ADAM22: variants seen among roughly 807,000 people sequenced by gnomAD.
ADAM22 encodes the protein ADAM metallopeptidase domain 22.
In ADAM22, 65 loss-of-function variants were observed where a neutral mutation model predicts 144.6. The ratio of observed to expected loss-of-function variants is 0.45; its 90% CI spans 0.37 to 0.55. The LOEUF is 0.55. ADAM22 is among the 20% of genes least tolerant of loss of function. The probability of loss-of-function intolerance (pLI) is 0.00; values close to 1 mark genes in which losing one functional copy is unlikely to be tolerated. For synonymous variants in ADAM22, 391 were observed against 412.6 expected, an observed-to-expected ratio of 0.95 and a Z score of 0.63; for missense variants, 974 against 1,184.9, an observed-to-expected ratio of 0.82 and a Z score of 2.61.
At chr7:88,049,153 T>A (rs1805495233) in intron 3 of ADAM22, among the ~76,000 whole-genome samples, 1 of 152,208 alleles carries the variant, frequency 6.6e-6, no homozygotes, top group Admixed American at 6.5e-5. Flanking sequence ...AGAAGAGGCC[T>A]CCACCTGAGG....
chr7:88,007,508 T>G (rs939190164), intron 3 of ADAM22, among the ~76,000 whole-genome samples: 15 of 152,016 alleles, frequency 9.9e-5, no homozygotes, highest in African/African-American at 1.9e-4. Flanking sequence ...ATACTACAAG[T>G]CTACAGTAAC....
chr7:88,145,618 A>G (rs1457568346), intron 17 of ADAM22, 111 bp downstream of exon 17: 2 of 814,494 alleles, frequency 2.5e-6, no homozygotes, highest in Non-Finnish European at 3.8e-6. Context: ...CATATATTAA[A>G]TGAGTAAGTG....
intron 20 of ADAM22, among the ~76,000 whole-genome samples, chr7:88,151,735 C>A (rs1009122499): frequency 6.6e-6 from 1 of 152,154 alleles, no homozygotes; most frequent in Admixed American, 6.5e-5. Context: ...AGCATTTTAT[C>A]TAGAGTCATT....
intron 3 of ADAM22, among the ~76,000 whole-genome samples, chr7:88,034,138 G>T (rs1018364290): frequency 1.3e-5 from 2 of 152,132 alleles, no homozygotes; most frequent in African/African-American, 4.8e-5. Context: ...GGCCACCATA[G>T]CTGGGAATGT....
At chr7:88,052,661 A>C (rs1457886130) in intron 3 of ADAM22, among the ~76,000 whole-genome samples, 1 of 152,202 alleles carries the variant, frequency 6.6e-6, no homozygotes, top group Admixed American at 6.5e-5. Context: ...TTGAAGCTGC[A>C]CGTGATAGTT....
At chr7:87,994,057 T>C (rs1310081514) in intron 3 of ADAM22, among the ~76,000 whole-genome samples, 1 of 152,214 alleles carries the variant, frequency 6.6e-6, no homozygotes, top group Non-Finnish European at 1.5e-5. Flanking sequence ...AGTGTCTGAA[T>C]TTCCTGATAT....
intron 3 of ADAM22, among the ~76,000 whole-genome samples, chr7:87,995,276 G>A (rs1303057245): frequency 1.3e-5 from 2 of 152,282 alleles, no homozygotes; most frequent in East Asian, 3.9e-4. Flanking sequence ...GCTGGGCAGT[G>A]TCTAGAAGGA....
At chr7:88,125,756 A>C (rs557723538) in intron 8 of ADAM22, 97 bp downstream of exon 8, 1 of 1,025,740 alleles carries the variant, frequency 9.7e-7, no homozygotes, top group South Asian at 1.8e-5. Context: ...GGTGAGTATT[A>C]GTTTGGGAAT....
chr7:88,190,465 G>T (rs1434968458), intron 30 of ADAM22, among the ~76,000 whole-genome samples: 1 of 152,090 alleles, frequency 6.6e-6, no homozygotes, highest in African/African-American at 2.4e-5. Flanking sequence ...AACCCAGGAG[G>T]CAGAGGCTGT....
rs779788907 is a variant in ADAM22 at position 88,199,736 on chromosome 7, A to G, written c.*3245A>G. 1 of 152,166 alleles carries G rather than the reference A, an allele frequency of 6.6e-6. No individual in the cohort carries two copies. Among genetic ancestry groups the G allele is most frequent in the Non-Finnish European group, 1.5e-5 (1 of 68,028 alleles). The allele number at this position is 152,166 out of a possible 1,614,324, so 9.4% of individuals were successfully genotyped here. On this transcript the variant is annotated 3_prime_UTR_variant, in exon 32 of 32. Transcript: ENST00000413139. The stretch of plus-strand genomic sequence containing the variant: ...TTCCTTTAAAAAATGTTGATGAATA[A>G]AGCAAATGTGGGTTTAAAATGCCAA...
chr7:88,145,412 T>C lies in ADAM22; in HGVS notation c.1393-3T>C, dbSNP rs3761806. On this transcript the variant is annotated splice_region_variant and splice_polypyrimidine_tract_variant and intron_variant, in intron 16 of 31. Transcript: ENST00000413139. ...ATGTTTTGAAAATGTTTATATTCCT[T>C]AGGAATGTGTCCTTGAAGGAGCAGA... The C allele has an allele frequency of 0.087, 139,530 of 1,610,444 alleles. 7,387 individuals are homozygous for C. The highest frequency in any genetic ancestry group is 0.19 in the South Asian group (17,503 of 90,718).
At chr7:88,063,058 A>T (rs1810309823) in intron 3 of ADAM22, among the ~76,000 whole-genome samples, 1 of 152,230 alleles carries the variant, frequency 6.6e-6, no homozygotes, top group Non-Finnish European at 1.5e-5. Context: ...CCAAAATATG[A>T]CACAGACACA....
At chr7:87,983,262 T>C (rs545013234) in intron 3 of ADAM22, among the ~76,000 whole-genome samples, 3 of 152,168 alleles carry the variant, frequency 2.0e-5, no homozygotes, top group Non-Finnish European at 4.4e-5. Flanking sequence ...TTGGAAAAAA[T>C]AGACATTTTT....
chr7:88,155,859 A>G, intron 21 of ADAM22, 28 bp from the exon 22 acceptor site: 1 of 1,607,226 alleles, frequency 6.2e-7, no homozygotes, highest in South Asian at 1.1e-5. Context: ...ATTTGGGAAA[A>G]GAAGTAATTG....
At position 88,152,178 on chromosome 7, in the gene ADAM22, T is replaced by C. The variant is rs537778499; in HGVS notation, c.1681+858T>C. On this transcript the variant is annotated intron_variant, in intron 20 of 31. Transcript: ENST00000413139. ...CAGGTTTGTACTCCGAAAAAAGATA[T>C]CATTTTTGTTTTATCCACTTGAGCA... Among the ~76,000 whole-genome samples, 19 of 152,334 alleles carry C rather than the reference T, an allele frequency of 1.2e-4. No individual in the cohort carries two copies. In the East Asian group the frequency reaches 1.5e-3, roughly 12 times the overall value.
At chr7:88,019,553 T>G (rs1257515332) in intron 3 of ADAM22, among the ~76,000 whole-genome samples, 1 of 151,412 alleles carries the variant, frequency 6.6e-6, no homozygotes, top group East Asian at 2.0e-4. Context: ...TACTTCAAAA[T>G]ATATTTTGTT....
In ADAM22 at chr7:88,135,993, C is replaced by T. The variant is rs1426450191; in HGVS notation, c.1182C>T (p.Cys394=). Residue 394 remains cysteine, a synonymous_variant, in exon 14 of 32, where the codon TGC becomes TGT. Coordinates refer to ENST00000413139, the MANE Select transcript of ADAM22 (RefSeq NM_001324418.2). ...KRKLASGECK[C]EDTWSGCIMG... The stretch of plus-strand genomic sequence containing the variant: ...ATTTTCTCTTAGGTGAATGTAAATG[C>T]GAGGACACGTGGTCCGGGTGCATAA... 6 of 1,611,176 alleles carry T rather than the reference C, an allele frequency of 3.7e-6. No homozygotes were observed. The highest frequency in any genetic ancestry group is 1.7e-5 in the Admixed American group (1 of 59,746).
intron 3 of ADAM22, among the ~76,000 whole-genome samples, chr7:88,040,499 T>C (rs544136714): frequency 1.3e-5 from 2 of 152,224 alleles, no homozygotes; most frequent in Non-Finnish European, 2.9e-5. Context: ...TTTTCACACA[T>C]CTGTAAGTGG....
intron 4 of ADAM22, among the ~76,000 whole-genome samples, chr7:88,077,080 G>T (rs930111268): frequency 1.3e-5 from 2 of 152,030 alleles, no homozygotes; most frequent in African/African-American, 4.8e-5. Context: ...ATCATATGTA[G>T]CTACAATATT....
Sources: allele counts gnomAD v4.1 joint callset (sites outside exome capture counted in the v4.1 genomes callset), GRCh38; gene constraint gnomAD v4.1.1; transcripts MANE v1.5; gene names NCBI Gene and HGNC (gene_info 2026-07-23, HGNC 2026-07-21).